BCOR: variants seen among roughly 807,000 people sequenced by gnomAD.
BCOR encodes the protein BCL6 corepressor.
A neutral mutation model predicts 86.7 loss-of-function variants in BCOR; 10 were observed. The observed-to-expected ratio is 0.12, with a 90% CI of 0.07 to 0.20. BCOR has a LOEUF of 0.20. Ranked by LOEUF, BCOR falls within the 10% of genes least tolerant of loss-of-function variation. The pLI is 1.00. For missense variants in BCOR, 1,259 were observed against 1,452.1 expected, an observed-to-expected ratio of 0.87 and a Z score of 2.16; for synonymous variants, 611 against 609.0, an observed-to-expected ratio of 1.00 and a Z score of -0.05.
Position 40,073,880 on chromosome X carries a change from G to A in BCOR, c.1466C>T (p.Pro489Leu). 8.2e-7 allele frequency: 1 copy of A among 1,212,402 alleles called. No individual in the cohort carries two copies. The highest frequency in any genetic ancestry group is 1.1e-6 in the Non-Finnish European group (1 of 895,606). Residue 489 changes from proline (P) to leucine (L), a missense_variant, in exon 4 of 15, where the codon CCT (proline) becomes CTT (leucine). Around this residue, in one of 7 missense-constraint regions of BCOR, gnomAD observed 534 missense variants for 594.8 expected, o/e 0.90. Coordinates refer to ENST00000378444, the MANE Select transcript of BCOR (RefSeq NM_001123385.2). Reference sequence around the variant, plus strand: ...ATAGATAGCACAACCATTTCCTGGAGGAGATAGTGTTTCTTTCGGAATCTC... The same window carrying A: ...ATAGATAGCACAACCATTTCCTGGAAGAGATAGTGTTTCTTTCGGAATCTC... ...GSEIPKETLSPPGNGCAIYRS... is the reference protein window; with the variant it reads ...GSEIPKETLSLPGNGCAIYRS...
At chrX:40,052,669 A>G (rs1934382668) in intron 14 of BCOR, among the ~76,000 whole-genome samples, 1 of 100,789 alleles carries the variant, frequency 9.9e-6, no homozygotes, top group East Asian at 3.1e-4. Context: ...GGTTCACGCC[A>G]TTCTCCCGCC....
At chrX:40,120,440 A>T (rs1937466767) in intron 1 of BCOR, among the ~76,000 whole-genome samples, 1 of 111,141 alleles carries the variant, frequency 9.0e-6, no homozygotes, top group Non-Finnish European at 1.9e-5. Flanking sequence ...CACTCCCCAA[A>T]CCGACCCTTC....
At chrX:40,141,821 G>A (rs761880517) in intron 1 of BCOR, among the ~76,000 whole-genome samples, 22 of 111,602 alleles carry the variant, frequency 2.0e-4, no homozygotes, top group Non-Finnish European at 3.6e-4. Context: ...TCCCACCACT[G>A]GGAGGACAAT....
intron 5 of BCOR, among the ~76,000 whole-genome samples, chrX:40,071,428 TAC>T (rs1569154197): frequency 8.9e-6 from 1 of 112,130 alleles, no homozygotes; most frequent in Non-Finnish European, 1.9e-5. Flanking sequence ...CACTATTGCA[TAC>T]AGACAGACAT....
chrX:40,069,773 C>G (rs750119632), intron 6 of BCOR, among the ~76,000 whole-genome samples: 40 of 112,371 alleles, frequency 3.6e-4, no homozygotes, highest in African/African-American at 1.2e-3. Context: ...CCACTTCACC[C>G]AAGAGTGGCT....
rs758694281 is a variant in BCOR, at chrX:40,092,629, C to T, written c.-41+4586G>A. Among the ~76,000 whole-genome samples, 10 of 111,551 alleles carry T rather than the reference C, an allele frequency of 9.0e-5. No individual in the cohort carries two copies. In the East Asian group the frequency reaches 2.5e-3, roughly 28 times the overall value. ...CTACTGACCACAAAGTGGAAAGCTA[C>T]CCCTCTTGTGGCTACACGATCCAGC... is the stretch of plus-strand genomic sequence containing the variant. On this transcript the variant is annotated intron_variant, in intron 1 of 14. Coordinates refer to ENST00000378444, the MANE Select transcript of BCOR (RefSeq NM_001123385.2).
chrX:40,102,374 G>C (rs936042882), upstream of BCOR, among the ~76,000 whole-genome samples: 2 of 113,251 alleles, frequency 1.8e-5, no homozygotes, highest in African/African-American at 6.4e-5. Context: ...CAGGGTGGTT[G>C]GGTGTCGACC....
chrX:40,067,598 G>A (rs1935267350), intron 6 of BCOR, among the ~76,000 whole-genome samples: 2 of 111,877 alleles, frequency 1.8e-5, no homozygotes, highest in South Asian at 7.5e-4. Context: ...GATGCTTCTT[G>A]TCCGCTCTCA....
intron 1 of BCOR, among the ~76,000 whole-genome samples, chrX:40,164,026 A>AG (rs1267073406): frequency 2.6e-4 from 25 of 96,309 alleles, no homozygotes; most frequent in African/African-American, 1.1e-3. Flanking sequence ...TCCATCTCAG[A>AG]AAAAAAAAAA....
At chrX:40,098,211 A>AGG (rs1409178808), upstream of BCOR, among the ~76,000 whole-genome samples, 38 of 108,558 alleles carry the variant, frequency 3.5e-4, 2 homozygotes, top group Admixed American at 3.4e-3. Context: ...GGGTTTCGGG[A>AGG]GGGGTGATTC....
At chrX:40,150,742 G>A (rs1569196732) in intron 1 of BCOR, among the ~76,000 whole-genome samples, 2 of 111,857 alleles carry the variant, frequency 1.8e-5, no homozygotes, top group Admixed American at 1.9e-4. Flanking sequence ...GCTGGGGAGT[G>A]TAGCTACTTT....
chrX:40,080,823 T>TC (rs1936053890), intron 1 of BCOR, among the ~76,000 whole-genome samples: 1 of 49,906 alleles, frequency 2.0e-5, no homozygotes, highest in African/African-American at 3.1e-4. Flanking sequence ...GTCGTGTGTG[T>TC]GTGTGTGTGT....
chrX:40,127,124 G>A (rs777826582), intron 1 of BCOR, among the ~76,000 whole-genome samples: 24 of 112,265 alleles, frequency 2.1e-4, no homozygotes, highest in African/African-American at 7.4e-4. Context: ...ATCTGAGTTG[G>A]CATCATGACT....
intron 1 of BCOR, among the ~76,000 whole-genome samples, chrX:40,110,661 C>CTTTTTTTTTTTTTT (rs1569182584): frequency 4.0e-5 from 1 of 24,727 alleles, no homozygotes; most frequent in Non-Finnish European, 1.0e-4. Context: ...TTCTTTTTTC[C>CTTTTTTTTTTTTTT]TTTTTCTTTT....
intron 1 of BCOR, among the ~76,000 whole-genome samples, chrX:40,096,023 G>A (rs1359825375): frequency 8.9e-6 from 1 of 112,285 alleles, no homozygotes; most frequent in African/African-American, 3.2e-5. Flanking sequence ...GCAGGCGCTC[G>A]TCACCGCCGC....
chrX:40,064,740 C>T, intron 6 of BCOR, 141 bp from the exon 7 acceptor site: 2 of 654,870 alleles, frequency 3.1e-6, no homozygotes, highest in South Asian at 2.8e-5. Context: ...GGTCCTCACA[C>T]ATGGTTAGCA....
intron 2 of BCOR, chrX:40,077,425 G>A (rs1364861103): frequency 6.0e-6 from 1 of 166,703 alleles, no homozygotes; most frequent in African/African-American, 3.1e-5. Flanking sequence ...ACAGGCAGCA[G>A]AGGACAATGA....
intron 1 of BCOR, among the ~76,000 whole-genome samples, chrX:40,154,566 TCGG>T (rs1332519342): frequency 3.5e-5 from 2 of 56,412 alleles, no homozygotes; most frequent in African/African-American, 1.4e-4. Flanking sequence ...CTCCCCCACC[TCGG>T]CTTTTCTCTA....
chrX:40,069,227 T>A (rs1295546634), intron 6 of BCOR, among the ~76,000 whole-genome samples: 1 of 112,306 alleles, frequency 8.9e-6, no homozygotes, highest in Non-Finnish European at 1.9e-5. Flanking sequence ...AGCTCTTCCT[T>A]GGCCCTAGTA....
Sources: allele counts gnomAD v4.1 joint callset (sites outside exome capture counted in the v4.1 genomes callset), GRCh38; gene constraint gnomAD v4.1.1; regional missense constraint gnomAD v4.1.1; transcripts MANE v1.5; gene names NCBI Gene and HGNC (gene_info 2026-07-23, HGNC 2026-07-21).